LRRC7: variants seen among roughly 807,000 people sequenced by gnomAD.
LRRC7 encodes leucine-rich repeat-containing protein 7.
In LRRC7, 23 loss-of-function variants were observed where a neutral mutation model predicts 175.7. That is an observed-to-expected ratio of 0.13 (90% CI 0.09 to 0.19). The LOEUF is 0.19. LRRC7 is among the 10% of genes least tolerant of loss of function. LRRC7 has a pLI of 1.00. For synonymous variants in LRRC7, 685 were observed against 680.9 expected (o/e 1.01, Z -0.09); for missense variants, 1,354 against 1,904.7 (o/e 0.71, Z 5.38).
intron 25 of LRRC7, among the ~76,000 whole-genome samples, chr1:70,098,031 C>T (rs1337551348): frequency 2.0e-5 from 3 of 151,524 alleles, no homozygotes; most frequent in East Asian, 2.0e-4. Context: ...CCTGAGGAAT[C>T]GCCACACTGA....
At chr1:69,622,436 G>C (rs1650762614) in intron 1 of LRRC7, among the ~76,000 whole-genome samples, 1 of 152,140 alleles carries the variant, frequency 6.6e-6, no homozygotes, top group South Asian at 2.1e-4. Context: ...TTTTCTAAGA[G>C]TCTGGAGATA....
At chr1:70,085,559 G>A (rs1663541567) in intron 24 of LRRC7, among the ~76,000 whole-genome samples, 2 of 152,078 alleles carry the variant, frequency 1.3e-5, no homozygotes, top group Admixed American at 6.6e-5. Context: ...GCTTGGGATA[G>A]TGTTTCATTT....
intron 7 of LRRC7, among the ~76,000 whole-genome samples, chr1:69,905,346 T>C (rs2101680542): frequency 6.6e-6 from 1 of 152,242 alleles, no homozygotes; most frequent in South Asian, 2.1e-4. Flanking sequence ...CATGTTGGTG[T>C]GCTGCACCCA....
intron 11 of LRRC7, among the ~76,000 whole-genome samples, chr1:69,998,310 G>A (rs1478703195): frequency 1.3e-5 from 2 of 152,100 alleles, no homozygotes; most frequent in Non-Finnish European, 1.5e-5. Context: ...CACCTGCCAA[G>A]TCAGCATATA....
intron 8 of LRRC7, among the ~76,000 whole-genome samples, chr1:69,932,122 T>C (rs947541369): frequency 6.6e-6 from 1 of 152,206 alleles, no homozygotes; most frequent in African/African-American, 2.4e-5. Context: ...AGCATCCATT[T>C]TGTTTAAAAT....
At chr1:69,877,221 G>A (rs1219908111) in intron 7 of LRRC7, among the ~76,000 whole-genome samples, 2 of 151,392 alleles carry the variant, frequency 1.3e-5, no homozygotes, top group South Asian at 2.2e-4. Flanking sequence ...GGAATGACAC[G>A]TTAGATTTGT....
chr1:69,947,679 A>T (rs1649481982), intron 8 of LRRC7, among the ~76,000 whole-genome samples: 1 of 152,036 alleles, frequency 6.6e-6, no homozygotes, highest in African/African-American at 2.4e-5. Flanking sequence ...ACAATGGTTT[A>T]TGCACTACTA....
intron 1 of LRRC7, among the ~76,000 whole-genome samples, chr1:69,657,311 C>A (rs937647903): frequency 6.6e-6 from 1 of 151,800 alleles, no homozygotes; most frequent in Non-Finnish European, 1.5e-5. Context: ...TTTAAGACAA[C>A]AATTTATTGG....
At chr1:69,759,094 G>A (rs1670753456) in intron 2 of LRRC7, among the ~76,000 whole-genome samples, 1 of 151,916 alleles carries the variant, frequency 6.6e-6, no homozygotes, top group Non-Finnish European at 1.5e-5. Context: ...AGTGGTGTGG[G>A]AACTCAGAGA....
intron 1 of LRRC7, among the ~76,000 whole-genome samples, chr1:69,595,567 A>G (rs1646808720): frequency 6.6e-6 from 1 of 152,028 alleles, no homozygotes; most frequent in Admixed American, 6.6e-5. Flanking sequence ...TATATTTTTC[A>G]ATAGTGGTTA....
intron 8 of LRRC7, among the ~76,000 whole-genome samples, chr1:69,974,567 T>C (rs1652617921): frequency 6.6e-6 from 1 of 152,200 alleles, no homozygotes; most frequent in Admixed American, 6.5e-5. Context: ...TTAAGTAGCA[T>C]AGAAAAATGT....
rs2102264892 is a variant in LRRC7, at chr1:70,129,646, T to G, written c.*7759T>G. On this transcript the variant is annotated 3_prime_UTR_variant, in exon 27 of 27. Coordinates refer to ENST00000651989, the MANE Select transcript of LRRC7 (RefSeq NM_001370785.2). The stretch of plus-strand genomic sequence containing the variant: ...GCTGTCCAATGTTAGAATGACCCAC[T>G]CCGAAATGCAAGGAGTTGAACAATC... 6.6e-6 allele frequency among the ~76,000 whole-genome samples: 1 copy of G among 152,234 alleles called. No individual in the cohort carries two copies.
chr1:69,620,053 A>G (rs1236318039), intron 1 of LRRC7, among the ~76,000 whole-genome samples: 15 of 152,224 alleles, frequency 9.9e-5, no homozygotes. Flanking sequence ...TATTCTGAAG[A>G]CACTCCTTCC....
intron 8 of LRRC7, among the ~76,000 whole-genome samples, chr1:69,934,229 T>G (rs1334775844): frequency 6.6e-6 from 1 of 152,106 alleles, no homozygotes; most frequent in African/African-American, 2.4e-5. Flanking sequence ...ATGATTTATT[T>G]TTGCATGACA....
intron 2 of LRRC7, among the ~76,000 whole-genome samples, chr1:69,726,378 A>G (rs940602152): frequency 4.6e-5 from 7 of 152,230 alleles, no homozygotes; most frequent in Admixed American, 1.3e-4. Context: ...CTTATTAGAT[A>G]GAAATGTAAA....
chr1:70,065,489 A>T (rs186721831), intron 23 of LRRC7, among the ~76,000 whole-genome samples: 1 of 152,066 alleles, frequency 6.6e-6, no homozygotes, highest in Admixed American at 6.6e-5. Flanking sequence ...ATTATTTTGG[A>T]TAAAAATCTA....
intron 1 of LRRC7, among the ~76,000 whole-genome samples, chr1:69,612,190 A>T (rs1291526827): frequency 6.6e-6 from 1 of 152,016 alleles, no homozygotes; most frequent in Non-Finnish European, 1.5e-5. Flanking sequence ...AAAATAATAT[A>T]CCAAACCAGT....
chr1:69,708,432 C>G (rs909376706), intron 2 of LRRC7, among the ~76,000 whole-genome samples: 1 of 152,012 alleles, frequency 6.6e-6, no homozygotes, highest in Non-Finnish European at 1.5e-5. Context: ...TACCACATAC[C>G]TTAGTGCCTT....
chr1:69,700,275 C>T (rs570946323), intron 2 of LRRC7, among the ~76,000 whole-genome samples: 4 of 152,220 alleles, frequency 2.6e-5, no homozygotes, highest in South Asian at 4.2e-4. Context: ...TAATCTTCCT[C>T]GCCTCAATTT....
Sources: allele counts gnomAD v4.1 joint callset (sites outside exome capture counted in the v4.1 genomes callset), GRCh38; gene constraint gnomAD v4.1.1; transcripts MANE v1.5; gene names NCBI Gene and HGNC (gene_info 2026-07-23, HGNC 2026-07-21).